Variants in GAB2 observed in about 807,000 individuals in gnomAD.
The protein encoded by GAB2 is GRB2 associated binding protein 2.
Under a neutral mutation model 65.5 loss-of-function variants are expected in GAB2, and 26 were observed. The observed-to-expected ratio is 0.40, with a 90% CI of 0.29 to 0.55. The LOEUF (loss-of-function observed/expected upper bound fraction) is 0.55, where lower values mean the gene tolerates loss of function less well. Ranked by LOEUF, GAB2 falls within the 20% of genes least tolerant of loss-of-function variation. The pLI is 0.53. For synonymous variants in GAB2, 321 were observed against 329.6 expected (o/e 0.97, Z 0.28); for missense variants, 884 against 875.8 (o/e 1.01, Z -0.12).
Position 78,274,914 on chromosome 11 carries a change from G to C in GAB2, c.376+5687C>G, listed in dbSNP as rs150200658. 9.1e-4 allele frequency among the ~76,000 whole-genome samples: 138 copies of C among 152,358 alleles called. 1 individual carries two copies. The highest frequency in any genetic ancestry group is 3.2e-3 in the African/African-American group (134 of 41,582). On this transcript the variant is annotated intron_variant, in intron 2 of 9. Coordinates refer to ENST00000361507, the MANE Select transcript of GAB2 (RefSeq NM_080491.3). ...ATAATGCAAAGTCAGGCCTGGGTTA[G>C]ACTAGAATCCCAACTGTCCCGTGTT...
intron 1 of GAB2, among the ~76,000 whole-genome samples, chr11:78,391,083 G>C (rs895718281): frequency 2.0e-5 from 3 of 152,170 alleles, no homozygotes; most frequent in African/African-American, 7.2e-5. Context: ...TATTGTGGCA[G>C]TTTTAAAAAA....
chr11:78,411,500 A>C (rs999631488), intron 1 of GAB2, among the ~76,000 whole-genome samples: 2 of 152,232 alleles, frequency 1.3e-5, no homozygotes, highest in Non-Finnish European at 2.9e-5. Flanking sequence ...TTGCAGAGGG[A>C]CAGACACATG....
Position 78,414,934 on chromosome 11 carries a change from C to T in GAB2, c.75+2712G>A, listed in dbSNP as rs142420460. ...TCACCCAGGCTGGAGTGCAGTGGTA[C>T]GATCTCGGCTCACTGCAACCTCAGC... On this transcript the variant is annotated intron_variant, in intron 1 of 9. Coordinates refer to ENST00000361507, the MANE Select transcript of GAB2 (RefSeq NM_080491.3). Among the ~76,000 whole-genome samples the T allele has an allele frequency of 2.1e-3, 313 of 152,118 alleles. 1 individual carries two copies. Among genetic ancestry groups the T allele is most frequent in the African/African-American group, 6.9e-3 (287 of 41,482 alleles).
intron 1 of GAB2, among the ~76,000 whole-genome samples, chr11:78,314,217 C>T (rs954351055): frequency 3.9e-5 from 6 of 152,130 alleles, no homozygotes; most frequent in African/African-American, 7.2e-5. Flanking sequence ...AGGGAGAAAC[C>T]GTTGTGATGG....
intron 3 of GAB2, among the ~76,000 whole-genome samples, chr11:78,233,360 T>G (rs1864899504): frequency 6.6e-6 from 1 of 152,206 alleles, no homozygotes; most frequent in South Asian, 2.1e-4. Context: ...TTTTAGCCCT[T>G]CCAGCAGAGG....
chr11:78,347,820 G>C (rs1006090865), intron 1 of GAB2, among the ~76,000 whole-genome samples: 2 of 152,072 alleles, frequency 1.3e-5, no homozygotes, highest in African/African-American at 2.4e-5. Context: ...GAAGGAAAGG[G>C]CATGACACAA....
At chr11:78,411,325 G>C (rs1403874006) in intron 1 of GAB2, among the ~76,000 whole-genome samples, 1 of 152,158 alleles carries the variant, frequency 6.6e-6, no homozygotes, top group East Asian at 1.9e-4. Context: ...ATCTCAGCAA[G>C]ACTTTCTTTT....
chr11:78,318,171 T>C (rs995443168), intron 1 of GAB2: 1 of 151,240 alleles, frequency 6.6e-6, no homozygotes, highest in African/African-American at 2.4e-5. Context: ...GAGTTGATAA[T>C]TGAGGGAGAC....
At position 78,280,503 on chromosome 11, in the gene GAB2, C is replaced by G. The variant is rs77807683; in HGVS notation, c.376+98G>C. On this transcript the variant is annotated intron_variant, in intron 2 of 9. Transcript: ENST00000361507. ...TACCCTTTATCTATGAACGCTCTTC[C>G]AACAGGAAACCTTAGCTAGAGCCTG... is the stretch of plus-strand genomic sequence containing the variant. 8.4e-4 allele frequency: 843 copies of G among 1,000,810 alleles called. 1 individual carries two copies. In the African/African-American group the frequency reaches 0.012, roughly 15 times the overall value. The allele number at this position is 1,000,810 out of a possible 1,614,324, so 62.0% of individuals were successfully genotyped here.
At chr11:78,280,490 A>G in intron 2 of GAB2, 111 bp downstream of exon 2, 1 of 870,526 alleles carries the variant, frequency 1.1e-6, no homozygotes, top group Non-Finnish European at 1.8e-6. Flanking sequence ...CCCTTTATCT[A>G]TGAACGCTCT....
intron 3 of GAB2, among the ~76,000 whole-genome samples, chr11:78,233,327 G>A (rs555644007): frequency 5.9e-5 from 9 of 152,168 alleles, no homozygotes; most frequent in East Asian, 1.9e-4. Flanking sequence ...GAGCCACTGC[G>A]TCTGGCCTGT....
chr11:78,253,155 T>C (rs1230348737), intron 2 of GAB2, among the ~76,000 whole-genome samples: 1 of 151,784 alleles, frequency 6.6e-6, no homozygotes, highest in South Asian at 2.1e-4. Context: ...CAACTACAGG[T>C]GTATGCCATG....
Position 78,218,948 on chromosome 11 carries a change from A to C in GAB2, c.*324T>G. 4.1e-6 allele frequency: 1 copy of C among 242,176 alleles called. No homozygotes were observed. Among genetic ancestry groups the C allele is most frequent in the East Asian group, 9.8e-5 (1 of 10,244 alleles). 15.0% of individuals were successfully genotyped at this position (242,176 alleles called of 1,614,324 possible). A position where few individuals can be genotyped will look rare whatever the true frequency, so the allele number is the denominator to read the frequency against. On this transcript the variant is annotated 3_prime_UTR_variant, in exon 10 of 10. Coordinates refer to ENST00000361507, the MANE Select transcript of GAB2 (RefSeq NM_080491.3). ...CTCAGAGCCCCAGCCCTTCCCTCCA[A>C]ACATCTGGTAGAGAGTCAGGTCTAA...
rs1001717476 is a variant in GAB2 at position 78,278,567 on chromosome 11, G to T, written c.376+2034C>A. Among the ~76,000 whole-genome samples the T allele has an allele frequency of 2.2e-5, 3 of 136,908 alleles. No homozygotes were observed. In the South Asian group the frequency reaches 7.1e-4, roughly 33 times the overall value. 89.8% of individuals were successfully genotyped at this position (136,908 alleles called of 152,430 possible). A position where few individuals can be genotyped will look rare whatever the true frequency, so the allele number is the denominator to read the frequency against. On this transcript the variant is annotated intron_variant, in intron 2 of 9. Transcript: ENST00000361507. ...TAATTTTTGTATTTTTAGTAGAGAC[G>T]GGTTTTCACCATTATTGGTCAGGAT...
chr11:78,330,565 G>C (rs1855897751), intron 1 of GAB2, among the ~76,000 whole-genome samples: 1 of 152,172 alleles, frequency 6.6e-6, no homozygotes, highest in South Asian at 2.1e-4. Flanking sequence ...AGAGAAGGAA[G>C]TGATGGTCAG....
intron 1 of GAB2, among the ~76,000 whole-genome samples, chr11:78,289,423 A>C (rs1309143159): frequency 6.6e-6 from 1 of 152,222 alleles, no homozygotes; most frequent in Non-Finnish European, 1.5e-5. Context: ...AAAAAGGTGA[A>C]AATCTTTGGG....
At chr11:78,229,597 C>G (rs1262730260) in intron 3 of GAB2, among the ~76,000 whole-genome samples, 1 of 152,192 alleles carries the variant, frequency 6.6e-6, no homozygotes, top group Middle Eastern at 3.2e-3. Context: ...TGCCCAGGGC[C>G]TCTCTGATCC....
rs1303081510 is a variant in GAB2, at chr11:78,415,939, C to CTTTT, written c.75+1703_75+1706dup. On this transcript the variant is annotated intron_variant, in intron 1 of 9. Transcript: ENST00000361507. ...GTTCAAACTTGAAAATTAAGGGTCA[C>CTTTT]TTTTTTTTTTTTTTTTTTTACTGTG... is the stretch of plus-strand genomic sequence containing the variant. Among the ~76,000 whole-genome samples the CTTTT allele has an allele frequency of 3.8e-3, 485 of 128,988 alleles. 3 individuals are homozygous for CTTTT. Among genetic ancestry groups the CTTTT allele is most frequent in the African/African-American group, 0.012 (420 of 35,448 alleles). The allele number at this position is 128,988 out of a possible 152,430, so 84.6% of individuals were successfully genotyped here. A position where few individuals can be genotyped will look rare whatever the true frequency, so the allele number is the denominator to read the frequency against.
At chr11:78,247,543 A>G (rs1865331524) in intron 3 of GAB2, among the ~76,000 whole-genome samples, 1 of 152,126 alleles carries the variant, frequency 6.6e-6, no homozygotes. Context: ...CGGTTTCTTC[A>G]TATGTCTGGC....
Sources: allele counts gnomAD v4.1 joint callset (sites outside exome capture counted in the v4.1 genomes callset), GRCh38; gene constraint gnomAD v4.1.1; transcripts MANE v1.5; gene names NCBI Gene and HGNC (gene_info 2026-07-23, HGNC 2026-07-21).